The following INSYN2B variants were observed in gnomAD, a reference collection of about 807,000 sequenced individuals.
The protein encoded by INSYN2B is protein INSYN2B.
A neutral mutation model predicts 41.2 loss-of-function variants in INSYN2B; 16 were observed. That is an observed-to-expected ratio of 0.39 (90% CI 0.26 to 0.59). The LOEUF is 0.59. INSYN2B is among the 20% of genes least tolerant of loss of function. The probability of loss-of-function intolerance (pLI) is 0.57; values close to 1 mark genes in which losing one functional copy is unlikely to be tolerated. For synonymous variants in INSYN2B, 245 were observed against 244.4 expected (o/e 1.00, Z -0.02); for missense variants, 608 against 646.4 (o/e 0.94, Z 0.64).
chr5:169,918,676 G>A (rs770752863), intron 1 of INSYN2B, among the ~76,000 whole-genome samples: 7 of 152,230 alleles, frequency 4.6e-5, no homozygotes, highest in Non-Finnish European at 7.3e-5. Flanking sequence ...ACTTTGGGAG[G>A]CCGAGGCGAG....
chr5:169,877,470 T>C (rs1772398131), intron 3 of INSYN2B, among the ~76,000 whole-genome samples: 1 of 152,178 alleles, frequency 6.6e-6, no homozygotes, highest in Non-Finnish European at 1.5e-5. Flanking sequence ...ATTTGGCATA[T>C]GAAGAGAAAG....
intron 1 of INSYN2B, among the ~76,000 whole-genome samples, chr5:169,954,089 C>A (rs924088381): frequency 6.6e-6 from 1 of 152,148 alleles, no homozygotes; most frequent in African/African-American, 2.4e-5. Flanking sequence ...AGATTTCACC[C>A]CACATTTTAT....
intron 1 of INSYN2B, among the ~76,000 whole-genome samples, chr5:169,961,698 C>A (rs1777091333): frequency 6.6e-6 from 1 of 152,068 alleles, no homozygotes; most frequent in African/African-American, 2.4e-5. Flanking sequence ...AGAAGCCAGG[C>A]CGGGTGCAGT....
intron 1 of INSYN2B, among the ~76,000 whole-genome samples, chr5:169,907,647 G>T (rs1774358807): frequency 6.6e-6 from 1 of 152,180 alleles, no homozygotes; most frequent in Non-Finnish European, 1.5e-5. Context: ...GAAAATTAAG[G>T]CTCAGAGAGG....
intron 1 of INSYN2B, among the ~76,000 whole-genome samples, chr5:169,968,872 C>T (rs921779661): frequency 6.6e-6 from 1 of 152,144 alleles, no homozygotes; most frequent in African/African-American, 2.4e-5. Flanking sequence ...AGAAATGGCA[C>T]TTGTGTGAGT....
intron 1 of INSYN2B, among the ~76,000 whole-genome samples, chr5:169,965,063 T>TGC (rs1777245361): frequency 6.6e-6 from 1 of 152,236 alleles, no homozygotes; most frequent in Non-Finnish European, 1.5e-5. Context: ...CCCTACTGTG[T>TGC]GCCACTTGCT....
At chr5:169,874,951 C>T (rs1280486199) in intron 3 of INSYN2B, among the ~76,000 whole-genome samples, 1 of 152,062 alleles carries the variant, frequency 6.6e-6, no homozygotes, top group Admixed American at 6.5e-5. Flanking sequence ...TTCCTTCCCT[C>T]GCCCTTGCCT....
intron 1 of INSYN2B, among the ~76,000 whole-genome samples, chr5:169,919,988 C>G (rs12519894): frequency 0.24 from 36,636 of 152,140 alleles, 4,839 homozygotes; most frequent in African/African-American, 0.34. Flanking sequence ...TTTAGTGATA[C>G]ATGTTGTCCG....
intron 3 of INSYN2B, among the ~76,000 whole-genome samples, chr5:169,878,223 C>T (rs75371428): frequency 0.023 from 3,444 of 152,208 alleles, 128 homozygotes; most frequent in African/African-American, 0.079. Flanking sequence ...TGAAAAGGAG[C>T]CGATTCCTTA....
chr5:169,936,172 A>C (rs1198447026), intron 1 of INSYN2B, among the ~76,000 whole-genome samples: 2 of 152,180 alleles, frequency 1.3e-5, no homozygotes, highest in African/African-American at 4.8e-5. Context: ...CAATATTTGC[A>C]TTTTGACTAC....
At chr5:169,928,172 A>G (rs1775567573) in intron 1 of INSYN2B, among the ~76,000 whole-genome samples, 1 of 152,106 alleles carries the variant, frequency 6.6e-6, no homozygotes, top group Admixed American at 6.5e-5. Flanking sequence ...CACCTCATTG[A>G]CTTGCCCCAC....
chr5:169,896,899 T>C (rs540238211), intron 1 of INSYN2B, among the ~76,000 whole-genome samples: 1 of 152,092 alleles, frequency 6.6e-6, no homozygotes, highest in South Asian at 2.1e-4. Context: ...AAAAATAAAG[T>C]TAATAAAGAG....
intron 1 of INSYN2B, among the ~76,000 whole-genome samples, chr5:169,917,554 TA>T (rs1179047032): frequency 1.3e-5 from 2 of 152,152 alleles, no homozygotes; most frequent in African/African-American, 4.8e-5. Flanking sequence ...AAGAGAAGTG[TA>T]GGATAAAATG....
chr5:169,928,629 G>T (rs911659739), intron 1 of INSYN2B, among the ~76,000 whole-genome samples: 2 of 152,162 alleles, frequency 1.3e-5, no homozygotes, highest in Non-Finnish European at 2.9e-5. Context: ...CCTAGCAGGA[G>T]ACAAACTTTT....
At position 169,882,756 on chromosome 5, in the gene INSYN2B, G is replaced by T. The variant is rs1199839087; in HGVS notation, c.1143C>A (p.Ser381=). 1.3e-6 allele frequency: 2 copies of T among 1,551,654 alleles called. No homozygotes were observed. The highest frequency in any genetic ancestry group is 2.7e-5 in the African/African-American group (2 of 72,988). ...GTTTGGTCTCACTCCTTGAAAGAGA[G>T]GATGGGAGATGATTACTTCCTGGAC... ...PNCPGSNHLP[S]SLSRSETKLQ... The change falls in exon 2 of 4, where the codon TCC becomes TCA. Residue 381 remains serine, a synonymous_variant. Transcript: ENST00000377365.
chr5:169,865,319 G>A (rs1412849120), intron 3 of INSYN2B, among the ~76,000 whole-genome samples: 1 of 152,184 alleles, frequency 6.6e-6, no homozygotes, highest in African/African-American at 2.4e-5. Flanking sequence ...CCTGAGGTCA[G>A]GGGAGGTGGG....
At chr5:169,976,585 A>G (rs1469722235) in intron 1 of INSYN2B, among the ~76,000 whole-genome samples, 2 of 152,222 alleles carry the variant, frequency 1.3e-5, no homozygotes, top group Non-Finnish European at 2.9e-5. Flanking sequence ...TGATCTCAAA[A>G]AGAAAAAAAA....
At chr5:169,876,181 G>C (rs886994189) in intron 3 of INSYN2B, among the ~76,000 whole-genome samples, 2 of 152,158 alleles carry the variant, frequency 1.3e-5, no homozygotes, top group African/African-American at 2.4e-5. Flanking sequence ...TGCGGCCCTT[G>C]TGATTACACT....
chr5:169,865,607 C>T (rs560954335), intron 3 of INSYN2B, among the ~76,000 whole-genome samples: 2 of 152,274 alleles, frequency 1.3e-5, no homozygotes, highest in South Asian at 4.1e-4. Flanking sequence ...TATAAGAAAG[C>T]TCTTAAGCTT....
Sources: gnomAD v4.1 joint callset for allele counts (sites outside exome capture counted in the v4.1 genomes callset) on GRCh38, gnomAD v4.1.1 for gene constraint, MANE v1.5 for transcripts, NCBI Gene and HGNC (gene_info 2026-07-23, HGNC 2026-07-21) for gene names.